The following NPAS3 variants were observed in gnomAD, a reference collection of about 807,000 sequenced individuals.
The protein encoded by NPAS3 is neuronal PAS domain protein 3.
In NPAS3, 14 loss-of-function variants were observed where a neutral mutation model predicts 73.1. The observed-to-expected ratio is 0.19, with a 90% confidence interval of 0.13 to 0.30. The LOEUF is 0.30. Among genes scored for constraint, NPAS3 ranks in the 10% least tolerant of loss-of-function variants. The pLI is 1.00. For synonymous variants in NPAS3, 620 were observed against 541.5 expected (o/e 1.14, Z -2.01); for missense variants, 1,096 against 1,250.0 (o/e 0.88, Z 1.86).
intron 2 of NPAS3, among the ~76,000 whole-genome samples, chr14:33,068,919 C>G (rs114834494): frequency 0.021 from 3,207 of 152,154 alleles, 106 homozygotes; most frequent in African/African-American, 0.074. Context: ...GGAGACAGGT[C>G]AGGGAGGCAA....
intron 5 of NPAS3, among the ~76,000 whole-genome samples, chr14:33,572,950 G>C (rs1222459920): frequency 1.3e-5 from 2 of 148,336 alleles, no homozygotes; most frequent in African/African-American, 5.0e-5. Context: ...TTAACCCCGG[G>C]AAGCGGAGGT....
intron 4 of NPAS3, among the ~76,000 whole-genome samples, chr14:33,542,110 G>C (rs1595118120): frequency 6.6e-6 from 1 of 152,258 alleles, no homozygotes; most frequent in East Asian, 1.9e-4. Flanking sequence ...GCAAATTTCA[G>C]TTTTGCTGGC....
At chr14:33,057,256 A>G (rs1378917603) in intron 2 of NPAS3, among the ~76,000 whole-genome samples, 2 of 152,128 alleles carry the variant, frequency 1.3e-5, no homozygotes, top group South Asian at 4.1e-4. Flanking sequence ...AGATAGTGTT[A>G]CTAGTTTTAT....
intron 5 of NPAS3, among the ~76,000 whole-genome samples, chr14:33,636,523 C>T (rs796487189): frequency 1.7e-4 from 26 of 152,306 alleles, no homozygotes; most frequent in Admixed American, 3.9e-4. Flanking sequence ...ACTTTCCTAA[C>T]GCCACAGTGA....
intron 5 of NPAS3, among the ~76,000 whole-genome samples, chr14:33,658,658 C>G (rs1371622616): frequency 1.3e-5 from 2 of 152,136 alleles, no homozygotes; most frequent in Non-Finnish European, 2.9e-5. Flanking sequence ...CTCATGTCAT[C>G]TATAATTTCC....
intron 1 of NPAS3, among the ~76,000 whole-genome samples, chr14:32,963,216 GT>G (rs1055951274): frequency 2.5e-4 from 38 of 152,132 alleles, no homozygotes; most frequent in Middle Eastern, 3.4e-3. Flanking sequence ...GCAAAATAAG[GT>G]TTTTTTCTGT....
At chr14:33,402,082 C>G (rs151315413) in intron 4 of NPAS3, among the ~76,000 whole-genome samples, 95 of 152,174 alleles carry the variant, frequency 6.2e-4, no homozygotes, top group African/African-American at 2.1e-3. Context: ...CCACTATCTG[C>G]CATGCAGTCT....
intron 4 of NPAS3, among the ~76,000 whole-genome samples, chr14:33,529,341 T>C (rs564074398): frequency 6.6e-6 from 1 of 152,162 alleles, no homozygotes; most frequent in Non-Finnish European, 1.5e-5. Flanking sequence ...TCTATATTTA[T>C]TGAGAGCATG....
At chr14:33,055,977 T>C (rs1335003990) in exon 2 of NPAS3, 2 of 810,274 alleles carry the variant, frequency 2.5e-6, no homozygotes, top group Non-Finnish European at 4.3e-6. Flanking sequence ...GAATCTACTG[T>C]GAATCTACCT....
chr14:33,190,699 TG>T (rs1198129249), intron 2 of NPAS3, among the ~76,000 whole-genome samples: 4 of 152,176 alleles, frequency 2.6e-5, no homozygotes, highest in African/African-American at 9.7e-5. Context: ...TCTGTGGGAC[TG>T]TATGTCTCTG....
chr14:33,190,137 G>A, intron 2 of NPAS3, among the ~76,000 whole-genome samples: 2 of 152,242 alleles, frequency 1.3e-5, no homozygotes, highest in Admixed American at 1.3e-4. Flanking sequence ...TTTAAAAACA[G>A]CTGAAAATAC....
At chr14:33,424,778 G>A (rs1031531505) in intron 4 of NPAS3, among the ~76,000 whole-genome samples, 1 of 151,700 alleles carries the variant, frequency 6.6e-6, no homozygotes, top group African/African-American at 2.4e-5. Context: ...TATTGAGTTT[G>A]AAGTGTCTGG....
At chr14:33,035,596 GA>G (rs1350689347) in intron 1 of NPAS3, among the ~76,000 whole-genome samples, 1 of 152,142 alleles carries the variant, frequency 6.6e-6, no homozygotes, top group African/African-American at 2.4e-5. Context: ...TCAGGGCTTT[GA>G]AAACTATAAC....
chr14:33,783,463 C>T (rs1475922810), intron 9 of NPAS3, among the ~76,000 whole-genome samples: 3 of 152,126 alleles, frequency 2.0e-5, no homozygotes, highest in African/African-American at 7.2e-5. Flanking sequence ...GTCTGACTTT[C>T]TTCAGAAGCC....
At chr14:33,711,355 C>T (rs1369586031) in intron 6 of NPAS3, among the ~76,000 whole-genome samples, 1 of 152,116 alleles carries the variant, frequency 6.6e-6, no homozygotes. Context: ...CTGATACGCA[C>T]GTCCCAGGGG....
chr14:33,670,821 A>C (rs2059590588), intron 5 of NPAS3, among the ~76,000 whole-genome samples: 1 of 151,978 alleles, frequency 6.6e-6, no homozygotes, highest in Admixed American at 6.6e-5. Context: ...CCTTTTATTC[A>C]GATATTGCTA....
intron 1 of NPAS3, among the ~76,000 whole-genome samples, chr14:32,998,954 C>T (rs766071853): frequency 2.0e-5 from 3 of 152,132 alleles, no homozygotes; most frequent in Admixed American, 2.0e-4. Flanking sequence ...GGTGGCCCTG[C>T]CTCTTCCCAT....
chr14:33,221,846 G>T (rs1330508377), intron 3 of NPAS3, among the ~76,000 whole-genome samples: 1 of 151,998 alleles, frequency 6.6e-6, no homozygotes, highest in African/African-American at 2.4e-5. Context: ...CTTTGTAGGG[G>T]TAAAAGTGTA....
chr14:32,992,494 C>G (rs939875381), intron 1 of NPAS3, among the ~76,000 whole-genome samples: 1 of 152,080 alleles, frequency 6.6e-6, no homozygotes, highest in Non-Finnish European at 1.5e-5. Context: ...GCAACTAAGG[C>G]TGATTCTCTG....
Sources: allele counts gnomAD v4.1 joint callset (sites outside exome capture counted in the v4.1 genomes callset), GRCh38; gene constraint gnomAD v4.1.1; transcripts MANE v1.5; gene names NCBI Gene and HGNC (gene_info 2026-07-23, HGNC 2026-07-21).